HECTD2: variants seen among roughly 807,000 people sequenced by gnomAD.
HECTD2 encodes probable E3 ubiquitin-protein ligase HECTD2.
In HECTD2, 35 loss-of-function variants were observed where a neutral mutation model predicts 103.2. That is an observed-to-expected ratio of 0.34 (90% confidence interval 0.26 to 0.45). The LOEUF is 0.45. Ranked by LOEUF, HECTD2 falls within the 20% of genes least tolerant of loss-of-function variation. The probability of loss-of-function intolerance (pLI) is 1.00; values close to 1 mark genes in which losing one functional copy is unlikely to be tolerated. For synonymous variants in HECTD2, 281 were observed against 329.9 expected, an observed-to-expected ratio of 0.85 and a Z score of 1.61; for missense variants, 596 against 937.4, an observed-to-expected ratio of 0.64 and a Z score of 4.76.
intron 5 of HECTD2, among the ~76,000 whole-genome samples, chr10:91,476,786 G>C (rs1199003638): frequency 6.6e-6 from 1 of 152,210 alleles, no homozygotes; most frequent in Non-Finnish European, 1.5e-5. Context: ...GTGGGCACCT[G>C]CCTGCCCTGT....
At chr10:91,410,686 C>T (rs1051433745) in intron 1 of HECTD2, 110 bp downstream of exon 1, 2 of 1,026,058 alleles carry the variant, frequency 1.9e-6, no homozygotes, top group South Asian at 5.6e-5. Context: ...CACGCCCTGG[C>T]ACTCCAGGGA....
intron 20 of HECTD2, among the ~76,000 whole-genome samples, chr10:91,511,896 A>G (rs899419772): frequency 1.3e-5 from 2 of 152,144 alleles, no homozygotes; most frequent in African/African-American, 4.8e-5. Flanking sequence ...TTTACCCTAT[A>G]TTGTTGATGA....
At chr10:91,422,185 C>T (rs1843384953) in intron 1 of HECTD2, among the ~76,000 whole-genome samples, 1 of 152,058 alleles carries the variant, frequency 6.6e-6, no homozygotes, top group South Asian at 2.1e-4. Flanking sequence ...GCCTGAAGGC[C>T]TCATAATATG....
At chr10:91,468,677 G>A (rs1284344965) in intron 5 of HECTD2, among the ~76,000 whole-genome samples, 1 of 152,074 alleles carries the variant, frequency 6.6e-6, no homozygotes, top group African/African-American at 2.4e-5. Context: ...TAATACAGGA[G>A]ATAAAAGATG....
chr10:91,438,710 C>T (rs1844249058), intron 2 of HECTD2, among the ~76,000 whole-genome samples: 1 of 152,178 alleles, frequency 6.6e-6, no homozygotes, highest in Non-Finnish European at 1.5e-5. Context: ...TAAAAGCGTT[C>T]CTGTTTCTCC....
chr10:91,500,768 C>T (rs1846869296), intron 19 of HECTD2, 151 bp downstream of exon 19: 2 of 456,192 alleles, frequency 4.4e-6, no homozygotes, highest in Non-Finnish European at 7.6e-6. Context: ...TCTGGAAAGT[C>T]TATGAGAATT....
At chr10:91,463,909 A>T (rs770990318) in intron 5 of HECTD2, among the ~76,000 whole-genome samples, 1 of 152,194 alleles carries the variant, frequency 6.6e-6, no homozygotes, top group Non-Finnish European at 1.5e-5. Context: ...GCATATGCAT[A>T]TTCTGTAACC....
intron 2 of HECTD2, among the ~76,000 whole-genome samples, chr10:91,454,629 T>C (rs1564715032): frequency 6.6e-6 from 1 of 152,066 alleles, no homozygotes; most frequent in African/African-American, 2.4e-5. Flanking sequence ...TGTAGGTTTG[T>C]TACATATGTA....
chr10:91,495,220 A>G (rs1345632206), intron 14 of HECTD2, among the ~76,000 whole-genome samples: 1 of 152,012 alleles, frequency 6.6e-6, no homozygotes, highest in Non-Finnish European at 1.5e-5. Flanking sequence ...GGGAACTGAA[A>G]TTTGAGAAAG....
chr10:91,460,408 G>A lies in HECTD2; in HGVS notation c.269-19G>A. 1.9e-6 allele frequency: 3 copies of A among 1,547,122 alleles called. No individual in the cohort carries two copies. Among genetic ancestry groups the A allele is most frequent in the Non-Finnish European group, 2.6e-6 (3 of 1,146,966 alleles). On this transcript the variant is annotated intron_variant, in intron 2 of 20. Transcript: ENST00000298068. Reference sequence around the variant, plus strand: ...AGTTTAATGATTCATTATTTTGAATGTGTTTTTATACTTCACAGTGAGAGA... The same window carrying A: ...AGTTTAATGATTCATTATTTTGAATATGTTTTTATACTTCACAGTGAGAGA...
At chr10:91,485,102 T>C (rs1589532159) in intron 9 of HECTD2, 78 bp from the exon 10 acceptor site, 6 of 1,010,822 alleles carry the variant, frequency 5.9e-6, no homozygotes, top group Middle Eastern at 3.1e-4. Context: ...CTTGTAGACA[T>C]TAAAATGATG....
intron 20 of HECTD2, 27 bp from the exon 21 acceptor site, chr10:91,512,237 G>A (rs1225725484): frequency 1.9e-6 from 3 of 1,605,314 alleles, no homozygotes. Context: ...TCAAGACTTA[G>A]TATTTTTTTT....
intron 20 of HECTD2, among the ~76,000 whole-genome samples, chr10:91,501,690 A>G (rs1846905966): frequency 6.6e-6 from 1 of 151,686 alleles, no homozygotes. Context: ...AAGTTGGGAT[A>G]TCTGGTTTGT....
chr10:91,423,432 C>A (rs1843431725), intron 1 of HECTD2, among the ~76,000 whole-genome samples: 1 of 152,086 alleles, frequency 6.6e-6, no homozygotes, highest in Admixed American at 6.6e-5. Flanking sequence ...TTAACCCAGA[C>A]ATTACTGAGC....
chr10:91,494,946 TG>T (rs1368261670), intron 14 of HECTD2, among the ~76,000 whole-genome samples: 2 of 152,058 alleles, frequency 1.3e-5, no homozygotes, highest in Non-Finnish European at 2.9e-5. Context: ...CATAAAATCA[TG>T]AAATTGCTCA....
At chr10:91,463,632 T>C (rs930891844) in intron 5 of HECTD2, 1 of 152,202 alleles carries the variant, frequency 6.6e-6, no homozygotes, top group Non-Finnish European at 1.5e-5. Context: ...CTGGGACCTC[T>C]TTCACAATTG....
chr10:91,509,368 G>A (rs1847332670), intron 20 of HECTD2, among the ~76,000 whole-genome samples: 2 of 152,160 alleles, frequency 1.3e-5, no homozygotes, highest in Admixed American at 1.3e-4. Context: ...TGGTGGGAAT[G>A]TAAATTATTT....
At chr10:91,484,676 C>G (rs759740636) in intron 9 of HECTD2, 21 bp downstream of exon 9, 1 of 1,556,476 alleles carries the variant, frequency 6.4e-7, no homozygotes. Flanking sequence ...ATTATTCTAT[C>G]ATTTTTTACT....
At chr10:91,506,938 G>C (rs918774436) in intron 20 of HECTD2, among the ~76,000 whole-genome samples, 2 of 149,860 alleles carry the variant, frequency 1.3e-5, no homozygotes, top group African/African-American at 5.1e-5. Flanking sequence ...GATCAAGTGG[G>C]CTTCATCCCT....
Sources: allele counts gnomAD v4.1 joint callset (sites outside exome capture counted in the v4.1 genomes callset), GRCh38; gene constraint gnomAD v4.1.1; transcripts MANE v1.5; gene names NCBI Gene and HGNC (gene_info 2026-07-23, HGNC 2026-07-21).